PRMT3: variants seen among roughly 807,000 people sequenced by gnomAD.
PRMT3 encodes the protein protein arginine N-methyltransferase 3.
A neutral mutation model predicts 71.9 loss-of-function variants in PRMT3; 62 were observed. The observed-to-expected ratio is 0.86, with a 90% confidence interval of 0.70 to 1.07. The LOEUF is 1.07. Ranked by LOEUF, PRMT3 falls within the 50% of genes least tolerant of loss-of-function variation. The pLI, the probability that PRMT3 is intolerant of heterozygous loss-of-function variation, is 0.00. For synonymous variants in PRMT3, 213 were observed against 220.4 expected, an observed-to-expected ratio of 0.97 and a Z score of 0.30; for missense variants, 663 against 643.0, an observed-to-expected ratio of 1.03 and a Z score of -0.34.
At chr11:20,473,796 G>A (rs1850710130) in intron 13 of PRMT3, among the ~76,000 whole-genome samples, 1 of 151,898 alleles carries the variant, frequency 6.6e-6, no homozygotes, top group Admixed American at 6.5e-5. Flanking sequence ...TGCCCTTGCT[G>A]GAGAGGTGTT....
intron 10 of PRMT3, among the ~76,000 whole-genome samples, chr11:20,451,669 C>T (rs138412015): frequency 3.4e-4 from 52 of 152,188 alleles, no homozygotes; most frequent in Middle Eastern, 3.4e-3. Flanking sequence ...CTTGGCTCTA[C>T]ACAGTAGATG....
intron 10 of PRMT3, among the ~76,000 whole-genome samples, chr11:20,446,312 T>C (rs1316639354): frequency 6.6e-6 from 1 of 151,564 alleles, no homozygotes; most frequent in African/African-American, 2.4e-5. Flanking sequence ...ATGAAGTAAT[T>C]GTATATAATT....
At chr11:20,419,370 A>G (rs1849376467) in intron 9 of PRMT3, among the ~76,000 whole-genome samples, 1 of 152,214 alleles carries the variant, frequency 6.6e-6, no homozygotes, top group Non-Finnish European at 1.5e-5. Context: ...TCAAGTATTC[A>G]TAGGCAATCT....
At chr11:20,451,780 A>G (rs1318674748) in intron 10 of PRMT3, among the ~76,000 whole-genome samples, 2 of 152,124 alleles carry the variant, frequency 1.3e-5, no homozygotes, top group Admixed American at 6.5e-5. Context: ...GTGGAGAACC[A>G]CTGCTCTAGA....
At chr11:20,464,604 C>T in intron 13 of PRMT3, 58 bp downstream of exon 13, 1 of 1,592,086 alleles carries the variant, frequency 6.3e-7, no homozygotes, top group Non-Finnish European at 8.5e-7. Context: ...GATTGGCAGG[C>T]TAATGAGTTT....
chr11:20,411,646 A>T (rs944784814), intron 9 of PRMT3, among the ~76,000 whole-genome samples: 3 of 152,130 alleles, frequency 2.0e-5, no homozygotes, highest in Non-Finnish European at 2.9e-5. Flanking sequence ...GACAAAGATC[A>T]CTACTAACCA....
intron 10 of PRMT3, among the ~76,000 whole-genome samples, chr11:20,429,408 G>A (rs781671777): frequency 2.0e-5 from 3 of 152,132 alleles, no homozygotes; most frequent in African/African-American, 4.8e-5. Context: ...AACAGGCCAC[G>A]GACCAGTACC....
At chr11:20,484,859 T>C (rs1221317782) in intron 13 of PRMT3, among the ~76,000 whole-genome samples, 2 of 152,212 alleles carry the variant, frequency 1.3e-5, no homozygotes, top group African/African-American at 2.4e-5. Flanking sequence ...AAATGCTATC[T>C]GTTTGAAGTT....
At chr11:20,391,010 A>G (rs1017878278) in intron 3 of PRMT3, among the ~76,000 whole-genome samples, 1 of 151,730 alleles carries the variant, frequency 6.6e-6, no homozygotes, top group Admixed American at 6.6e-5. Context: ...AGATCATGCC[A>G]CTGCACTACA....
intron 13 of PRMT3, among the ~76,000 whole-genome samples, chr11:20,466,539 C>T (rs1462377949): frequency 6.6e-6 from 1 of 152,102 alleles, no homozygotes; most frequent in East Asian, 1.9e-4. Flanking sequence ...ATGTGGGGCC[C>T]TAGCTGTCAG....
At chr11:20,483,681 A>G (rs16906340) in intron 13 of PRMT3, among the ~76,000 whole-genome samples, 3,961 of 152,284 alleles carry the variant, frequency 0.026, 166 homozygotes, top group African/African-American at 0.088. Flanking sequence ...TTCTAGCCCT[A>G]GAGACATTCA....
chr11:20,507,116 C>G (rs1174835066), intron 15 of PRMT3, among the ~76,000 whole-genome samples: 1 of 152,148 alleles, frequency 6.6e-6, no homozygotes, highest in Admixed American at 6.5e-5. Context: ...CCTTAAATAC[C>G]ATTACATGTA....
intron 10 of PRMT3, among the ~76,000 whole-genome samples, chr11:20,444,185 A>G (rs1309540872): frequency 6.6e-6 from 1 of 152,058 alleles, no homozygotes; most frequent in Non-Finnish European, 1.5e-5. Context: ...CTTTAACCCT[A>G]TTACTCAGGA....
At chr11:20,504,163 A>G (rs1026183295) in intron 15 of PRMT3, among the ~76,000 whole-genome samples, 2 of 152,206 alleles carry the variant, frequency 1.3e-5, no homozygotes, top group African/African-American at 4.8e-5. Flanking sequence ...TTGGGTGGTC[A>G]TCTAATTGAG....
Position 20,464,403 on chromosome 11 carries a change from T to G in PRMT3, c.1261-57T>G, listed in dbSNP as rs935850021. Reference sequence around the variant, plus strand: ...GGGTTGTTTTTGTTTTATTTTTTGTTTTTTTTTTTTGGACTATTTTTACTA... The same window carrying G: ...GGGTTGTTTTTGTTTTATTTTTTGTGTTTTTTTTTTGGACTATTTTTACTA... On this transcript the variant is annotated intron_variant, in intron 12 of 15. Coordinates refer to ENST00000331079, the MANE Select transcript of PRMT3 (RefSeq NM_005788.4). 61 of 1,468,408 alleles carry G rather than the reference T, an allele frequency of 4.2e-5. 1 individual carries two copies. The South Asian group carries it at 5.7e-4, about 14-fold the overall frequency. The allele number at this position is 1,468,408 out of a possible 1,614,324, so 91.0% of individuals were successfully genotyped here. A position where few individuals can be genotyped will look rare whatever the true frequency, so the allele number is the denominator to read the frequency against.
At position 20,509,010 on chromosome 11, in the gene PRMT3, C is replaced by T. The variant is rs1053147017; in HGVS notation, c.*597C>T. The stretch of plus-strand genomic sequence containing the variant: ...TAGGGTTCTCATTTTGTAGTTTCTT[C>T]CCTCTTTGTGACTATTCCTTAGCCT... On this transcript the variant is annotated 3_prime_UTR_variant, in exon 16 of 16. Coordinates refer to ENST00000331079, the MANE Select transcript of PRMT3 (RefSeq NM_005788.4). 1 of 156,624 alleles carries T rather than the reference C, an allele frequency of 6.4e-6. No individual in the cohort carries two copies. Among genetic ancestry groups the T allele is most frequent in the African/African-American group, 2.4e-5 (1 of 41,454 alleles). 9.7% of individuals were successfully genotyped at this position (156,624 alleles called of 1,614,324 possible). A position where few individuals can be genotyped will look rare whatever the true frequency, so the allele number is the denominator to read the frequency against.
At chr11:20,422,120 A>T (rs529846817) in intron 9 of PRMT3, among the ~76,000 whole-genome samples, 60 of 152,288 alleles carry the variant, frequency 3.9e-4, no homozygotes, top group African/African-American at 1.0e-3. Context: ...CTTCACAGCC[A>T]CTTGGGGATC....
At position 20,508,289 on chromosome 11, in the gene PRMT3, G is replaced by T. The variant is rs192111342; in HGVS notation, c.1487-15G>T. The T allele has an allele frequency of 5.9e-3, 8,758 of 1,488,374 alleles. 87 individuals carry two copies. Among genetic ancestry groups the T allele is most frequent in the Non-Finnish European group, 4.5e-3 (4,838 of 1,070,338 alleles). 92.2% of individuals were successfully genotyped at this position (1,488,374 alleles called of 1,614,324 possible). A position where few individuals can be genotyped will look rare whatever the true frequency, so the allele number is the denominator to read the frequency against. ...ATTCCTTGAATTCTTAACAATTTTT[G>T]CCTTTGTTTTACAGGTGAAGCCTTG... is the stretch of plus-strand genomic sequence containing the variant. On this transcript the variant is annotated splice_polypyrimidine_tract_variant and intron_variant, in intron 15 of 15. Coordinates refer to ENST00000331079, the MANE Select transcript of PRMT3 (RefSeq NM_005788.4).
intron 13 of PRMT3, among the ~76,000 whole-genome samples, chr11:20,473,835 G>A (rs1021907774): frequency 3.3e-5 from 5 of 152,112 alleles, no homozygotes; most frequent in African/African-American, 1.2e-4. Flanking sequence ...AGAGGCACTG[G>A]CTTTTTGAGT....
Sources: gnomAD v4.1 joint callset for allele counts (sites outside exome capture counted in the v4.1 genomes callset) on GRCh38, gnomAD v4.1.1 for gene constraint, MANE v1.5 for transcripts, NCBI Gene and HGNC (gene_info 2026-07-23, HGNC 2026-07-21) for gene names.